Variants in RREB1 observed in about 807,000 individuals in gnomAD.
RREB1 encodes the protein ras-responsive element-binding protein 1.
A neutral mutation model predicts 117.8 loss-of-function variants in RREB1; 27 were observed. The observed-to-expected ratio is 0.23, with a 90% confidence interval of 0.17 to 0.32. The LOEUF (loss-of-function observed/expected upper bound fraction) is 0.32. Among genes scored for constraint, RREB1 ranks in the 10% least tolerant of loss-of-function variants. RREB1 has a pLI of 1.00. For missense variants in RREB1, 2,577 were observed against 2,378.2 expected (o/e 1.08, Z -1.74); for synonymous variants, 1,298 against 1,026.7 (o/e 1.26, Z -5.05).
At position 7,228,986 on chromosome 6, in the gene RREB1, G is replaced by C; in HGVS notation, c.898-11G>C. On this transcript the variant is annotated splice_polypyrimidine_tract_variant and intron_variant, in intron 9 of 12. Transcript: ENST00000379938. ...TGTGTTCCCTTGCTTTTACCGGTGG[G>C]TTCTATATAGGCCTGGTGCGAAACA... The C allele has an allele frequency of 6.6e-7, 1 of 1,504,902 alleles. No homozygotes were observed. Among genetic ancestry groups the C allele is most frequent in the Non-Finnish European group, 8.9e-7 (1 of 1,124,326 alleles). 93.2% of individuals were successfully genotyped at this position (1,504,902 alleles called of 1,614,324 possible).
chr6:7,226,290 G>T (rs992605473), intron 8 of RREB1, among the ~76,000 whole-genome samples, 177 bp from the exon 9 acceptor site: 1 of 152,218 alleles, frequency 6.6e-6, no homozygotes, highest in Non-Finnish European at 1.5e-5. Context: ...TTTTTAAAAG[G>T]AAGAGGTTTT....
Position 7,229,554 on chromosome 6 carries a change from T to C in RREB1, c.1455T>C (p.Ser485=), listed in dbSNP as rs750011164. Residue 485 remains serine, a synonymous_variant, in exon 10 of 13, where the codon AGT becomes AGC. Transcript: ENST00000379938. This position sits in a 1 kb window ranked among gnomAD's most constrained non-coding sequence, Gnocchi z 4.5. Reference sequence around the variant, plus strand: ...CAGCCTCGGCTCCCCCTCAGATCAGTCTTCCGCCCTTCTCCAAGGCCCCTG... The same window carrying C: ...CAGCCTCGGCTCCCCCTCAGATCAGCCTTCCGCCCTTCTCCAAGGCCCCTG... ...KMAASAPPQI[S]LPPFSKAPAA... The C allele has an allele frequency of 1.9e-6, 3 of 1,613,174 alleles. No individual in the cohort carries two copies. The highest frequency in any genetic ancestry group is 2.5e-6 in the Non-Finnish European group (3 of 1,179,438).
intron 6 of RREB1, among the ~76,000 whole-genome samples, chr6:7,209,062 C>T (rs1224127437): frequency 6.6e-6 from 1 of 152,130 alleles, no homozygotes; most frequent in East Asian, 1.9e-4. Context: ...TAAGTGTTGG[C>T]CCCAGTCCCT....
intron 1 of RREB1, among the ~76,000 whole-genome samples, chr6:7,158,425 C>G (rs969783438): frequency 6.6e-6 from 1 of 152,248 alleles, no homozygotes; most frequent in Middle Eastern, 3.4e-3. Context: ...GCCCCAGACC[C>G]AACCCCAACT....
chr6:7,189,779 G>A (rs1765301436), intron 6 of RREB1, among the ~76,000 whole-genome samples: 1 of 152,140 alleles, frequency 6.6e-6, no homozygotes, highest in Non-Finnish European at 1.5e-5. Context: ...TGGAGCTTCA[G>A]GATAAGATAG....
chr6:7,125,946 GTC>G (rs771784920), intron 1 of RREB1, among the ~76,000 whole-genome samples: 5 of 152,156 alleles, frequency 3.3e-5, no homozygotes, highest in African/African-American at 4.8e-5. Context: ...GTACTTCAAG[GTC>G]TGTTTCCTGC....
intron 1 of RREB1, among the ~76,000 whole-genome samples, chr6:7,141,001 TAG>T (rs1204785418): frequency 1.3e-5 from 2 of 152,006 alleles, no homozygotes; most frequent in East Asian, 3.9e-4. Context: ...ACGGTCTGAG[TAG>T]AGTTGTGTTC....
At chr6:7,171,839 G>T (rs1220880681) in intron 1 of RREB1, among the ~76,000 whole-genome samples, 2 of 152,134 alleles carry the variant, frequency 1.3e-5, no homozygotes, top group Non-Finnish European at 2.9e-5. Flanking sequence ...GCAAGGAACT[G>T]AGCAGAAAGG....
rs1216061218 is a variant in RREB1 at position 7,246,607 on chromosome 6, A to G, written c.4157A>G (p.Glu1386Gly). ...PVHREEHGRG[E>G]SHEPEEEHGT... is the part of the protein sequence containing the mutation. ...CACCGGGAAGAGCACGGGCGTGGGG[A>G]GAGCCATGAGCCGGAGGAGGAGCAT... The change falls in exon 12 of 13, where the codon GAG (glutamate) becomes GGG (glycine). Residue 1386 changes from glutamate to glycine, a missense_variant. Physicochemically the swap from Glu to Gly is moderately conservative, Grantham distance 98. Coordinates refer to ENST00000379938, the MANE Select transcript of RREB1 (RefSeq NM_001003699.4). The G allele has an allele frequency of 6.4e-7, 1 of 1,561,198 alleles. No individual in the cohort carries two copies. Among genetic ancestry groups the G allele is most frequent in the Non-Finnish European group, 8.7e-7 (1 of 1,153,032 alleles).
intron 1 of RREB1, among the ~76,000 whole-genome samples, chr6:7,153,413 T>TACACACACACTCAC (rs1763216056): frequency 6.9e-6 from 1 of 145,724 alleles, no homozygotes; most frequent in African/African-American, 2.6e-5. Flanking sequence ...AGTAGTGGTA[T>TACACACACACTCAC]ACACACACAC....
intron 10 of RREB1, among the ~76,000 whole-genome samples, chr6:7,238,561 C>T (rs1420119088): frequency 6.6e-6 from 1 of 152,106 alleles, no homozygotes; most frequent in Non-Finnish European, 1.5e-5. Context: ...GGAAGACGCA[C>T]CATGAACACT....
intron 1 of RREB1, among the ~76,000 whole-genome samples, chr6:7,125,699 G>A (rs541401288): frequency 1.1e-3 from 162 of 152,262 alleles, no homozygotes; most frequent in Non-Finnish European, 1.9e-3. Context: ...TGGTATTGGG[G>A]TGATTGTAAG....
At chr6:7,242,350 GT>G (rs796263435) in intron 11 of RREB1, among the ~76,000 whole-genome samples, 52 of 152,278 alleles carry the variant, frequency 3.4e-4, no homozygotes, top group African/African-American at 1.2e-3. Flanking sequence ...AGGTTTTGTT[GT>G]CCAAATCCCA....
chr6:7,175,766 GTAATTTGAGATGTT>G lies in RREB1; in HGVS notation c.-284-887_-284-874del, dbSNP rs1230920151. Among the ~76,000 whole-genome samples, 6 of 152,320 alleles carry G rather than the reference GTAATTTGAGATGTT, an allele frequency of 3.9e-5. No homozygotes were observed. The East Asian group carries it at 9.6e-4, about 24-fold the overall frequency. ...TTGCTCAAACTTTTGAAGGGCATGT[GTAATTTGAGATGTT>G]TTCTGCATCTTCCCTACAGAAAGGA... On this transcript the variant is annotated intron_variant, in intron 1 of 12. Transcript: ENST00000379938.
rs563046127 is a variant in RREB1 at position 7,246,752 on chromosome 6, C to T, written c.4302C>T (p.Gly1434=). 16 of 1,568,270 alleles carry T rather than the reference C, an allele frequency of 1.0e-5. No homozygotes were observed. Among genetic ancestry groups the T allele is most frequent in the Non-Finnish European group, 1.2e-5 (14 of 1,157,524 alleles). Reference sequence around the variant, plus strand: ...ACTTCAAGCTGGCGGAGGGCGACGGCGAGGCAGGCGCCGGGGGCGCGGCCT... The same window carrying T: ...ACTTCAAGCTGGCGGAGGGCGACGGTGAGGCAGGCGCCGGGGGCGCGGCCT... ...LMDFKLAEGD[G]EAGAGGAASQ... is the part of the protein sequence containing the mutation. The change falls in exon 12 of 13, where the codon GGC becomes GGT. Residue 1434 remains glycine, a synonymous_variant. Transcript: ENST00000379938.
chr6:7,156,491 C>T (rs1217322753), intron 1 of RREB1, among the ~76,000 whole-genome samples: 4 of 152,296 alleles, frequency 2.6e-5, no homozygotes, highest in Non-Finnish European at 4.4e-5. Context: ...CCAGCCAGTC[C>T]CTTGTGGCTC....
At chr6:7,132,563 G>A (rs1762197268) in intron 1 of RREB1, among the ~76,000 whole-genome samples, 1 of 152,256 alleles carries the variant, frequency 6.6e-6, no homozygotes, top group Admixed American at 6.5e-5. Context: ...ATTTGTTGAA[G>A]GAATGAATGC....
At chr6:7,212,006 T>C (rs1766638526) in intron 8 of RREB1, 1 of 372,300 alleles carries the variant, frequency 2.7e-6, no homozygotes, top group Non-Finnish European at 4.9e-6. Context: ...ATGGGTGTTC[T>C]TGGACAACAG....
chr6:7,222,733 G>A (rs1488734381), intron 8 of RREB1, among the ~76,000 whole-genome samples: 7 of 152,066 alleles, frequency 4.6e-5, no homozygotes, highest in East Asian at 1.9e-4. Context: ...AGGCTGAGAC[G>A]GGAGGATTGC....
Sources: allele counts gnomAD v4.1 joint callset (sites outside exome capture counted in the v4.1 genomes callset), GRCh38; gene constraint gnomAD v4.1.1; non-coding constraint Gnocchi (gnomAD v3.1); transcripts MANE v1.5; gene names NCBI Gene and HGNC (gene_info 2026-07-23, HGNC 2026-07-21).